Variants in SLC25A3 observed in about 807,000 individuals in gnomAD.
SLC25A3 encodes the protein solute carrier family 25 member 3.
In SLC25A3, 14 loss-of-function variants were observed where a neutral mutation model predicts 37.1. That is an observed-to-expected ratio of 0.38 (90% CI 0.25 to 0.59). SLC25A3 has a LOEUF of 0.59. Among genes scored for constraint, SLC25A3 ranks in the 20% least tolerant of loss-of-function variants. SLC25A3 has a pLI of 0.67. For synonymous variants in SLC25A3, 161 were observed against 168.7 expected, an observed-to-expected ratio of 0.95 and a Z score of 0.36; for missense variants, 385 against 458.1, an observed-to-expected ratio of 0.84 and a Z score of 1.46.
At chr12:98,595,396 A>C in intron 2 of SLC25A3, 1 of 1,610,482 alleles carries the variant, frequency 6.2e-7, no homozygotes, top group Non-Finnish European at 8.5e-7. Flanking sequence ...ATCTCTGAAG[A>C]AATACTTACT....
At chr12:98,600,803 T>TATCC (rs1565832080) in intron 6 of SLC25A3, among the ~76,000 whole-genome samples, 1 of 152,226 alleles carries the variant, frequency 6.6e-6, no homozygotes, top group Non-Finnish European at 1.5e-5. Context: ...AAAGCAGTTT[T>TATCC]ATCTTCCCAT....
chr12:98,603,769 GAGAA>G lies in SLC25A3; in HGVS notation c.*2244_*2247del, dbSNP rs1354877760. The G allele has an allele frequency of 6.6e-6, 1 of 152,154 alleles. No individual in the cohort carries two copies. Among genetic ancestry groups the G allele is most frequent in the African/African-American group, 2.4e-5 (1 of 41,430 alleles). 9.4% of individuals were successfully genotyped at this position (152,154 alleles called of 1,614,324 possible). ...AGTTACGGTTCAAAGCTATTTCTGA[GAGAA>G]AGCCACTTCATCCTCAAAACCCAAG... On this transcript the variant is annotated 3_prime_UTR_variant, in exon 8 of 8. Transcript: ENST00000552981.
chr12:98,598,812 G>C (rs1453927557), intron 5 of SLC25A3, 109 bp downstream of exon 5: 4 of 1,074,834 alleles, frequency 3.7e-6, no homozygotes. Context: ...GTCTCGCTCT[G>C]TCACCCAGGC....
At chr12:98,597,573 G>T (rs2097594037) in intron 3 of SLC25A3, 1 of 371,698 alleles carries the variant, frequency 2.7e-6, no homozygotes, top group South Asian at 2.3e-5. Flanking sequence ...ACAGGTGCAC[G>T]CCACCATGCC....
At chr12:98,598,809 T>C (rs2097595283) in intron 5 of SLC25A3, 106 bp downstream of exon 5, 1 of 1,100,476 alleles carries the variant, frequency 9.1e-7, no homozygotes. Flanking sequence ...AAAGTCTCGC[T>C]CTGTCACCCA....
intron 3 of SLC25A3, among the ~76,000 whole-genome samples, chr12:98,596,373 A>G (rs1187051259): frequency 6.6e-6 from 1 of 152,246 alleles, no homozygotes; most frequent in African/African-American, 2.4e-5. Flanking sequence ...CAAGACATCG[A>G]AAATTTATTT....
intron 6 of SLC25A3, among the ~76,000 whole-genome samples, chr12:98,600,570 G>A (rs777149900): frequency 5.3e-5 from 8 of 151,988 alleles, no homozygotes; most frequent in African/African-American, 9.7e-5. Flanking sequence ...CTGCCACTAC[G>A]CCCGGCTAAT....
At chr12:98,594,485 G>C (rs528278718) in intron 2 of SLC25A3, 1 of 633,006 alleles carries the variant, frequency 1.6e-6, no homozygotes, top group South Asian at 1.8e-5. Context: ...ACCACCCACA[G>C]TTCTACTAAC....
rs997756627 is a variant in SLC25A3 at position 98,602,210 on chromosome 12, A to C, written c.*682A>C. ...AGACGGAGTTTCACTCTTGTTGCCC[A>C]GACGAGTGTAGTGTCGCGATCTCGC... On this transcript the variant is annotated 3_prime_UTR_variant, in exon 8 of 8. Coordinates refer to ENST00000552981, the MANE Select transcript of SLC25A3 (RefSeq NM_002635.4). 1 of 152,524 alleles carries C rather than the reference A, an allele frequency of 6.6e-6. No homozygotes were observed. Among genetic ancestry groups the C allele is most frequent in the East Asian group, 1.9e-4 (1 of 5,196 alleles). 9.4% of individuals were successfully genotyped at this position (152,524 alleles called of 1,614,324 possible).
rs1391775249 is a variant in SLC25A3, at chr12:98,602,949, C to A, written c.*1421C>A. ...AGTGCAGCTAGTTGCATGTTAACTT[C>A]TTTATATCATCATTGCCTGAACTTG... On this transcript the variant is annotated 3_prime_UTR_variant, in exon 8 of 8. Transcript: ENST00000552981. 1 of 152,138 alleles carries A rather than the reference C, an allele frequency of 6.6e-6. No individual in the cohort carries two copies. The highest frequency in any genetic ancestry group is 1.5e-5 in the Non-Finnish European group (1 of 68,018). 9.4% of individuals were successfully genotyped at this position (152,138 alleles called of 1,614,324 possible).
At position 98,601,695 on chromosome 12, in the gene SLC25A3, C is replaced by T. The variant is rs1051706733; in HGVS notation, c.*167C>T. Reference sequence around the variant, plus strand: ...TTTCAGATTTACTGTTGAAATAAACCCAACTCTTCATGATTTGCCTGTGAC... The same window carrying T: ...TTTCAGATTTACTGTTGAAATAAACTCAACTCTTCATGATTTGCCTGTGAC... On this transcript the variant is annotated 3_prime_UTR_variant, in exon 8 of 8. Coordinates refer to ENST00000552981, the MANE Select transcript of SLC25A3 (RefSeq NM_002635.4). 8 of 628,548 alleles carry T rather than the reference C, an allele frequency of 1.3e-5. No individual in the cohort carries two copies. Among genetic ancestry groups the T allele is most frequent in the Non-Finnish European group, 2.3e-5 (8 of 353,060 alleles). 38.9% of individuals were successfully genotyped at this position (628,548 alleles called of 1,614,324 possible).
At chr12:98,600,910 T>C (rs567854733) in intron 6 of SLC25A3, among the ~76,000 whole-genome samples, 2 of 152,360 alleles carry the variant, frequency 1.3e-5, no homozygotes, top group Admixed American at 1.3e-4. Context: ...GGGAATGTAT[T>C]GATCTTACTG....
chr12:98,594,302 CG>C (rs1565828721), intron 2 of SLC25A3, 167 bp downstream of exon 2: 2 of 715,652 alleles, frequency 2.8e-6, no homozygotes, highest in Non-Finnish European at 5.0e-6. Context: ...CCACCATAGG[CG>C]GGTGTCAGAT....
rs1365732401 is a variant in SLC25A3, at chr12:98,606,239, A to G, written c.*4711A>G. The stretch of plus-strand genomic sequence containing the variant: ...TGAGAAACAAAGTTATTTTAAACTT[A>G]CAGGACTCTGTAGTTCACAGTTGAA... On this transcript the variant is annotated 3_prime_UTR_variant, in exon 8 of 8. Transcript: ENST00000552981. 1 of 152,272 alleles carries G rather than the reference A, an allele frequency of 6.6e-6. No homozygotes were observed. Among genetic ancestry groups the G allele is most frequent in the Non-Finnish European group, 1.5e-5 (1 of 68,052 alleles). 9.4% of individuals were successfully genotyped at this position (152,272 alleles called of 1,614,324 possible).
chr12:98,599,440 A>G (rs2097595852), intron 5 of SLC25A3, among the ~76,000 whole-genome samples: 2 of 152,164 alleles, frequency 1.3e-5, no homozygotes, highest in African/African-American at 4.8e-5. Context: ...TATGTAGAAC[A>G]TAAACTTGAG....
chr12:98,596,804 A>G (rs2097593352), intron 3 of SLC25A3, among the ~76,000 whole-genome samples: 1 of 152,296 alleles, frequency 6.6e-6, no homozygotes, highest in African/African-American at 2.4e-5. Context: ...ACTTGAGGTC[A>G]GGAGTTCGAG....
chr12:98,601,458 T>G lies in SLC25A3; in HGVS notation c.1016T>G (p.Phe339Cys). The change falls in exon 8 of 8, where the codon TTC (phenylalanine) becomes TGC (cysteine). Residue 339 changes from phenylalanine (F) to cysteine (C), a missense_variant. By Grantham distance (205) the Phe-to-Cys change is radical. Transcript: ENST00000552981. ...WFIYDSVKVY[F>C]RLPRPPPPEM... ...ATCTATGACTCCGTGAAGGTCTACT[T>G]CAGACTTCCTCGCCCTCCTCCACCC... The G allele has an allele frequency of 6.2e-7, 1 of 1,614,166 alleles. No individual in the cohort carries two copies. The highest frequency in any genetic ancestry group is 8.5e-7 in the Non-Finnish European group (1 of 1,180,010).
At position 98,606,151 on chromosome 12, in the gene SLC25A3, C is replaced by T. The variant is rs889270030; in HGVS notation, c.*4623C>T. 2.6e-5 allele frequency: 4 copies of T among 152,216 alleles called. No homozygotes were observed. The South Asian group carries it at 8.3e-4, about 32-fold the overall frequency. The allele number at this position is 152,216 out of a possible 1,614,324, so 9.4% of individuals were successfully genotyped here. The stretch of plus-strand genomic sequence containing the variant: ...AATTGTATAATCATATTGCAATTTT[C>T]TTTGCATTACTGATGAGGAAAAATC... On this transcript the variant is annotated 3_prime_UTR_variant, in exon 8 of 8. Transcript: ENST00000552981.
chr12:98,600,074 G>A lies in SLC25A3; in HGVS notation c.761G>A (p.Ser254Asn), dbSNP rs117836188. The A allele has an allele frequency of 8.6e-5, 139 of 1,614,208 alleles. No individual in the cohort carries two copies. The highest frequency in any genetic ancestry group is 1.1e-4 in the Non-Finnish European group (131 of 1,180,020). ...AAGTTTGTGGTTCCTAAGCCCCGCA[G>A]TGAATGTTCAAAGCCAGAGCAGCTG... Reference protein sequence around the residue: ...LYKFVVPKPRSECSKPEQLVV... With the variant: ...LYKFVVPKPRNECSKPEQLVV... The change falls in exon 6 of 8, where the codon AGT (serine) becomes AAT (asparagine). Residue 254 changes from serine to asparagine, a missense_variant. Physicochemically the swap from Ser to Asn is conservative, Grantham distance 46 (BLOSUM62 1). Coordinates refer to ENST00000552981, the MANE Select transcript of SLC25A3 (RefSeq NM_002635.4).
Sources: gnomAD v4.1 joint callset for allele counts (sites outside exome capture counted in the v4.1 genomes callset) on GRCh38, gnomAD v4.1.1 for gene constraint, MANE v1.5 for transcripts, NCBI Gene and HGNC (gene_info 2026-07-23, HGNC 2026-07-21) for gene names.